COL14A1: variants seen among roughly 807,000 people sequenced by gnomAD.
COL14A1 encodes the protein collagen type XIV alpha 1 chain, also known as collagen alpha-1(XIV) chain.
Under a neutral mutation model 230.3 loss-of-function variants are expected in COL14A1, and 136 were observed. That is an observed-to-expected ratio of 0.59 (90% CI 0.51 to 0.68). The LOEUF (loss-of-function observed/expected upper bound fraction) is 0.68. Ranked by LOEUF, COL14A1 falls within the 30% of genes least tolerant of loss-of-function variation. The pLI is 0.00. For synonymous variants in COL14A1, 792 were observed against 784.1 expected, an observed-to-expected ratio of 1.01 and a Z score of -0.17; for missense variants, 1,976 against 2,215.8, an observed-to-expected ratio of 0.89 and a Z score of 2.17.
rs1815154655 is a variant in COL14A1 at position 120,148,047 on chromosome 8, G to C, written c.88+117G>C. On this transcript the variant is annotated intron_variant, in intron 2 of 47. Coordinates refer to ENST00000297848, the MANE Select transcript of COL14A1 (RefSeq NM_021110.4). ...CGGCTTTTACTGAGTTTTACCAACT[G>C]TTTGCACTGTAGAAATATACACATC... 4.4e-6 allele frequency: 3 copies of C among 681,212 alleles called. No individual in the cohort carries two copies. The African/African-American group carries it at 5.5e-5, about 12-fold the overall frequency. The allele number at this position is 681,212 out of a possible 1,614,324, so 42.2% of individuals were successfully genotyped here.
chr8:120,302,576 T>G (rs1207576080), intron 36 of COL14A1, among the ~76,000 whole-genome samples: 1 of 152,186 alleles, frequency 6.6e-6, no homozygotes, highest in Non-Finnish European at 1.5e-5. Context: ...TTCTGGGTTC[T>G]GTATTCTATT....
intron 9 of COL14A1, among the ~76,000 whole-genome samples, chr8:120,206,057 T>G (rs1019106738): frequency 9.8e-5 from 15 of 152,332 alleles, no homozygotes; most frequent in African/African-American, 3.6e-4. Context: ...GCTTTTTCTT[T>G]TTTTAAATTT....
chr8:120,171,382 C>G, intron 5 of COL14A1, among the ~76,000 whole-genome samples: 1 of 152,188 alleles, frequency 6.6e-6, no homozygotes, highest in East Asian at 1.9e-4. Flanking sequence ...TTTCATCTTG[C>G]ATCTCAGACC....
chr8:120,131,796 T>C (rs961970192), intron 1 of COL14A1, among the ~76,000 whole-genome samples: 1 of 151,590 alleles, frequency 6.6e-6, no homozygotes, highest in Non-Finnish European at 1.5e-5. Flanking sequence ...AGCCTGTGTC[T>C]GGAATGGTAT....
chr8:120,371,036 C>A, intron 47 of COL14A1, 116 bp from the exon 48 acceptor site: 1 of 1,054,622 alleles, frequency 9.5e-7, no homozygotes, highest in South Asian at 1.6e-5. Context: ...ATTAAGACAT[C>A]CACTGCTTTT....
chr8:120,183,674 C>T (rs542554419), intron 5 of COL14A1, among the ~76,000 whole-genome samples: 17 of 152,288 alleles, frequency 1.1e-4, no homozygotes, highest in Admixed American at 2.6e-4. Context: ...AGCTGAAGGT[C>T]TCTGAGCGAG....
At chr8:120,204,588 G>T (rs1053065909) in intron 9 of COL14A1, among the ~76,000 whole-genome samples, 4 of 152,158 alleles carry the variant, frequency 2.6e-5, no homozygotes, top group African/African-American at 9.7e-5. Flanking sequence ...GGGCACCTGG[G>T]TTGCTTTCAG....
chr8:120,360,763 G>A (rs1042924730), intron 45 of COL14A1, among the ~76,000 whole-genome samples: 2 of 152,166 alleles, frequency 1.3e-5, no homozygotes, highest in Admixed American at 6.5e-5. Flanking sequence ...TTTTGACTCC[G>A]GATTCCCAGT....
intron 27 of COL14A1, 70 bp downstream of exon 27, chr8:120,278,304 A>G (rs1043051405): frequency 2.6e-6 from 4 of 1,518,558 alleles, no homozygotes; most frequent in South Asian, 2.7e-5. Context: ...ATGACCTTTT[A>G]TTTTAAGGCA....
intron 1 of COL14A1, among the ~76,000 whole-genome samples, chr8:120,128,224 C>T (rs905658998): frequency 6.7e-4 from 66 of 97,814 alleles, no homozygotes; most frequent in African/African-American, 2.6e-3. Flanking sequence ...TGTGTGTGCG[C>T]GCGCGTGTGT....
At chr8:120,345,268 G>T (rs752902031) in intron 44 of COL14A1, 107 bp from the exon 45 acceptor site, 3 of 989,112 alleles carry the variant, frequency 3.0e-6, no homozygotes, top group Non-Finnish European at 4.4e-6. Flanking sequence ...TTTTCCCTTG[G>T]TGGGTATCTA....
At chr8:120,125,725 A>G (rs1814307908) in intron 1 of COL14A1, among the ~76,000 whole-genome samples, 1 of 152,104 alleles carries the variant, frequency 6.6e-6, no homozygotes, top group Non-Finnish European at 1.5e-5. Flanking sequence ...AAAGGCGGTA[A>G]TTTGGGTGGG....
At chr8:120,159,437 T>A (rs1815585678) in intron 3 of COL14A1, among the ~76,000 whole-genome samples, 1 of 152,072 alleles carries the variant, frequency 6.6e-6, no homozygotes, top group Non-Finnish European at 1.5e-5. Flanking sequence ...ATAATACATA[T>A]TTGTATAATA....
At chr8:120,202,483 C>G (rs777834826) in intron 8 of COL14A1, among the ~76,000 whole-genome samples, 2 of 152,028 alleles carry the variant, frequency 1.3e-5, no homozygotes, top group African/African-American at 4.8e-5. Flanking sequence ...ATTGAAATGA[C>G]GGGGATTATA....
intron 23 of COL14A1, 48 bp downstream of exon 23, chr8:120,255,404 G>T: frequency 7.3e-7 from 1 of 1,362,918 alleles, no homozygotes; most frequent in South Asian, 1.2e-5. Context: ...TTGTGTATTT[G>T]ATTCTTTGCA....
chr8:120,250,548 T>A, intron 21 of COL14A1, 69 bp from the exon 22 acceptor site: 1 of 1,531,482 alleles, frequency 6.5e-7, no homozygotes, highest in South Asian at 1.1e-5. Flanking sequence ...GTGAATACAA[T>A]TTGATCTAAG....
chr8:120,263,664 G>A (rs1819412683), intron 24 of COL14A1, among the ~76,000 whole-genome samples: 2 of 152,118 alleles, frequency 1.3e-5, no homozygotes, highest in Admixed American at 6.6e-5. Context: ...GGACATTTGT[G>A]TGCTTAACTC....
chr8:120,227,053 G>C (rs549467075), intron 16 of COL14A1, among the ~76,000 whole-genome samples, 167 bp from the exon 17 acceptor site: 5 of 152,072 alleles, frequency 3.3e-5, no homozygotes, highest in African/African-American at 1.2e-4. Flanking sequence ...TAATTTATTT[G>C]CTGAGGGGAT....
At chr8:120,275,444 A>G (rs922754693) in intron 26 of COL14A1, among the ~76,000 whole-genome samples, 5 of 151,952 alleles carry the variant, frequency 3.3e-5, no homozygotes, top group Non-Finnish European at 7.4e-5. Context: ...GGAATTTATG[A>G]CTAAGACTCC....
Sources: allele counts gnomAD v4.1 joint callset (sites outside exome capture counted in the v4.1 genomes callset), GRCh38; gene constraint gnomAD v4.1.1; transcripts MANE v1.5; gene names NCBI Gene and HGNC (gene_info 2026-07-23, HGNC 2026-07-21).